The following PLCB4 variants were observed in gnomAD, a reference collection of about 807,000 sequenced individuals.
PLCB4 encodes 1-phosphatidylinositol 4,5-bisphosphate phosphodiesterase beta-4.
Under a neutral mutation model 178.8 loss-of-function variants are expected in PLCB4, and 77 were observed. The observed-to-expected ratio is 0.43, with a 90% confidence interval of 0.36 to 0.52. PLCB4 has a LOEUF of 0.52. Ranked by LOEUF, PLCB4 falls within the 20% of genes least tolerant of loss-of-function variation. The pLI is 0.00. For synonymous variants in PLCB4, 496 were observed against 490.8 expected, an observed-to-expected ratio of 1.01 and a Z score of -0.14; for missense variants, 1,024 against 1,453.4, an observed-to-expected ratio of 0.70 and a Z score of 4.80.
chr20:9,421,199 C>A, intron 26 of PLCB4, 98 bp from the exon 27 acceptor site: 1 of 886,788 alleles, frequency 1.1e-6, no homozygotes, highest in Non-Finnish European at 1.7e-6. Flanking sequence ...AATTCCTGCT[C>A]CCACCCAAAA....
At chr20:9,441,378 G>A (rs921639853) in intron 30 of PLCB4, among the ~76,000 whole-genome samples, 2 of 152,168 alleles carry the variant, frequency 1.3e-5, no homozygotes, top group African/African-American at 4.8e-5. Context: ...TTTGGGGGAA[G>A]TGATGTCATT....
intron 2 of PLCB4, among the ~76,000 whole-genome samples, chr20:9,177,122 A>G (rs2093168774): frequency 6.6e-6 from 1 of 152,190 alleles, no homozygotes; most frequent in Non-Finnish European, 1.5e-5. Flanking sequence ...GGCCCCATGG[A>G]GACAGAAAAA....
At chr20:9,454,638 A>G (rs1002410853) in intron 33 of PLCB4, among the ~76,000 whole-genome samples, 1 of 152,226 alleles carries the variant, frequency 6.6e-6, no homozygotes, top group Non-Finnish European at 1.5e-5. Flanking sequence ...CTCTGAAAAC[A>G]GAACAGATTA....
At chr20:9,170,061 G>T (rs1183279921) in intron 2 of PLCB4, among the ~76,000 whole-genome samples, 1 of 152,022 alleles carries the variant, frequency 6.6e-6, no homozygotes, top group Admixed American at 6.6e-5. Flanking sequence ...ACAAGTGGAC[G>T]CACCCAGATA....
chr20:9,314,395 G>A (rs1331266099), intron 4 of PLCB4, among the ~76,000 whole-genome samples: 1 of 152,062 alleles, frequency 6.6e-6, no homozygotes, highest in African/African-American at 2.4e-5. Context: ...AAATACGGGA[G>A]GATTTTGAGT....
chr20:9,472,647 T>C (rs2044266612), intron 36 of PLCB4, 143 bp from the exon 37 acceptor site: 4 of 495,464 alleles, frequency 8.1e-6, no homozygotes, highest in Middle Eastern at 5.0e-4. Context: ...CATTATATGT[T>C]TGAAAATACT....
At chr20:9,137,723 G>A (rs2092411209) in intron 2 of PLCB4, among the ~76,000 whole-genome samples, 1 of 147,894 alleles carries the variant, frequency 6.8e-6, no homozygotes, top group Admixed American at 7.0e-5. Flanking sequence ...CCCTTTAATG[G>A]GTTATAATTT....
chr20:9,349,635 TAAG>T (rs1165471254), intron 7 of PLCB4, among the ~76,000 whole-genome samples: 1 of 152,162 alleles, frequency 6.6e-6, no homozygotes, highest in Non-Finnish European at 1.5e-5. Flanking sequence ...ACAGGTTTCA[TAAG>T]AAGAGACTGT....
chr20:9,280,204 A>G (rs903755875), intron 3 of PLCB4, among the ~76,000 whole-genome samples: 1 of 152,028 alleles, frequency 6.6e-6, no homozygotes, highest in African/African-American at 2.4e-5. Context: ...TAAGGTGCTT[A>G]GGTCATATCC....
At chr20:9,344,272 C>T (rs148458916) in intron 7 of PLCB4, among the ~76,000 whole-genome samples, 1 of 152,288 alleles carries the variant, frequency 6.6e-6, no homozygotes, top group East Asian at 1.9e-4. Context: ...CCCCCACAGC[C>T]CTCACGTGTC....
chr20:9,333,990 T>A (rs2148039762), intron 4 of PLCB4, among the ~76,000 whole-genome samples: 1 of 152,206 alleles, frequency 6.6e-6, no homozygotes, highest in African/African-American at 2.4e-5. Flanking sequence ...TAGCAAATAT[T>A]TGAACTCACA....
Position 9,257,986 on chromosome 20 carries a change from A to G in PLCB4, c.-16+40534A>G, listed in dbSNP as rs145252079. Among the ~76,000 whole-genome samples, 10 of 152,330 alleles carry G rather than the reference A, an allele frequency of 6.6e-5. 1 individual carries two copies. Among genetic ancestry groups the G allele is most frequent in the African/African-American group, 2.4e-4 (10 of 41,584 alleles). ...TATTAGCTGAAAGAAAAGATGCAGA[A>G]CTTTTCTAGAAAACAGAACAAAGAA... On this transcript the variant is annotated intron_variant, in intron 3 of 39. Coordinates refer to ENST00000378473, the MANE Select transcript of PLCB4 (RefSeq NM_001377142.1).
At chr20:9,207,294 GTA>G (rs2093625674) in intron 2 of PLCB4, among the ~76,000 whole-genome samples, 1 of 152,172 alleles carries the variant, frequency 6.6e-6, no homozygotes, top group African/African-American at 2.4e-5. Flanking sequence ...ACTGATTAAA[GTA>G]TAGTTTTAGT....
chr20:9,306,219 C>T (rs2094763917), intron 3 of PLCB4, among the ~76,000 whole-genome samples: 1 of 152,170 alleles, frequency 6.6e-6, no homozygotes, highest in South Asian at 2.1e-4. Flanking sequence ...ATTCTCCCTG[C>T]CTTAGCCTCC....
intron 2 of PLCB4, among the ~76,000 whole-genome samples, chr20:9,111,288 T>A (rs1471899047): frequency 6.6e-6 from 1 of 152,212 alleles, no homozygotes; most frequent in Non-Finnish European, 1.5e-5. Context: ...GATGGCAGTG[T>A]GGATCTTATT....
intron 4 of PLCB4, among the ~76,000 whole-genome samples, chr20:9,316,002 A>G (rs2094894997): frequency 6.6e-6 from 1 of 152,096 alleles, no homozygotes; most frequent in South Asian, 2.1e-4. Flanking sequence ...ATTCCAAGAC[A>G]TGGAAACAGC....
intron 33 of PLCB4, 66 bp from the exon 34 acceptor site, chr20:9,457,348 G>A (rs2043117745): frequency 2.5e-6 from 2 of 808,886 alleles, no homozygotes; most frequent in African/African-American, 1.7e-5. Context: ...AAGCTTTGTA[G>A]CAAAGACCCA....
intron 1 of PLCB4, among the ~76,000 whole-genome samples, chr20:9,080,394 A>G (rs6056389): frequency 0.63 from 94,830 of 150,648 alleles, 29,703 homozygotes; most frequent in South Asian, 0.73. Flanking sequence ...GTAAGAAACC[A>G]AGATACTAGT....
At chr20:9,152,758 C>T (rs1472047508) in intron 2 of PLCB4, among the ~76,000 whole-genome samples, 2 of 152,140 alleles carry the variant, frequency 1.3e-5, no homozygotes, top group African/African-American at 4.8e-5. Flanking sequence ...CCACTATCCT[C>T]CAGACCCCAA....
Sources: allele counts gnomAD v4.1 joint callset (sites outside exome capture counted in the v4.1 genomes callset), GRCh38; gene constraint gnomAD v4.1.1; transcripts MANE v1.5; gene names NCBI Gene and HGNC (gene_info 2026-07-23, HGNC 2026-07-21).